Variants in CHD3 observed in about 807,000 individuals in gnomAD.
The protein encoded by CHD3 is chromodomain helicase DNA binding protein 3.
CHD3 carries 52 observed loss-of-function variants against 248.9 expected under a neutral mutation model. That is an observed-to-expected ratio of 0.21 (90% CI 0.17 to 0.26). The LOEUF (loss-of-function observed/expected upper bound fraction) is 0.26, where lower values mean the gene tolerates loss of function less well. Among genes scored for constraint, CHD3 ranks in the 10% least tolerant of loss-of-function variants. The pLI, the probability that CHD3 is intolerant of heterozygous loss-of-function variation, is 1.00. For synonymous variants in CHD3, 985 were observed against 985.2 expected (o/e 1.00, Z 0.00); for missense variants, 1,482 against 2,605.8 (o/e 0.57, Z 9.39).
Position 7,911,470 on chromosome 17 carries a change from CCAACGGCCCTCCA to C in CHD3, c.5889_5901del (p.Asn1964CysfsTer3), listed in dbSNP as rs746507064. ...TTACCCCTTTCCCAAACAGCCGCCA[CCAACGGCCCTCCA>C]GTGCTTGTGAAGAAGGAGAAGGAAA... On this transcript the variant is annotated frameshift_variant, in exon 40 of 40. Transcript: ENST00000330494. LOFTEE classifies it high-confidence loss of function. The surrounding 1 kb of genome is among the most constrained non-coding windows in gnomAD (Gnocchi z 5.4). The C allele has an allele frequency of 6.2e-7, 1 of 1,614,174 alleles. No homozygotes were observed. Among genetic ancestry groups the C allele is most frequent in the Non-Finnish European group, 8.5e-7 (1 of 1,180,026 alleles).
Position 7,901,393 on chromosome 17 carries a change from C to A in CHD3, c.3252+18C>A. On this transcript the variant is annotated intron_variant, in intron 20 of 39. Coordinates refer to ENST00000330494, the MANE Select transcript of CHD3 (RefSeq NM_001005273.3). ...TCTCGCAGGTGACCTGTGCCCTTAG[C>A]TGTCTTTACATCTGCTTCCTCTTCC... 1 of 1,575,940 alleles carries A rather than the reference C, an allele frequency of 6.3e-7. No homozygotes were observed. The highest frequency in any genetic ancestry group is 1.2e-5 in the South Asian group (1 of 86,320).
chr17:7,910,499 C>G lies in CHD3; in HGVS notation c.5662C>G (p.Arg1888Gly), dbSNP rs1203599231. 2.5e-6 allele frequency: 4 copies of G among 1,614,044 alleles called. No individual in the cohort carries two copies. The highest frequency in any genetic ancestry group is 2.5e-6 in the Non-Finnish European group (3 of 1,180,034). The change falls in exon 38 of 40, where the codon CGA becomes GGA. Residue 1888 changes from arginine (R) to glycine (G), a missense_variant. Physicochemically the swap from Arg to Gly is moderately radical, Grantham distance 125 (BLOSUM62 -2). Transcript: ENST00000330494. This position sits in a 1 kb window ranked among gnomAD's most constrained non-coding sequence, Gnocchi z 4.7. ...DVTRLPATLSRIPPIAARLQM... is the reference protein window; with the variant it reads ...DVTRLPATLSGIPPIAARLQM... The stretch of plus-strand genomic sequence containing the variant: ...GACCCGCCTGCCAGCCACGCTGTCC[C>G]GAATACCCCCCATCGCAGCCCGCCT...
At position 7,898,563 on chromosome 17, in the gene CHD3, G is replaced by A. The variant is rs1211123180; in HGVS notation, c.2119G>A (p.Gly707Ser). 6.2e-7 allele frequency: 1 copy of A among 1,613,950 alleles called. No individual in the cohort carries two copies. Among genetic ancestry groups the A allele is most frequent in the African/African-American group, 1.3e-5 (1 of 75,016 alleles). ...KYKKKKKELQGDGPPSSPTND... is the reference protein window; with the variant it reads ...KYKKKKKELQSDGPPSSPTND... The stretch of plus-strand genomic sequence containing the variant: ...TAAGAAGAAGAAGAAGGAGCTACAG[G>A]GTGATGGGCCTCCCAGTTCTCCCAC... The change falls in exon 13 of 40, where the codon GGT (glycine) becomes AGT (serine). Residue 707 changes from glycine (G) to serine (S), a missense_variant. Gly to Ser is a moderately conservative substitution (Grantham distance 56, BLOSUM62 0). Around this residue, in one of 20 missense-constraint regions of CHD3, gnomAD observed 127 missense variants for 188.3 expected, o/e 0.67. Coordinates refer to ENST00000330494, the MANE Select transcript of CHD3 (RefSeq NM_001005273.3).
rs1250977332 is a variant in CHD3 at position 7,890,733 on chromosome 17, G to A, written c.376G>A (p.Gly126Arg). Residue 126 changes from glycine to arginine, a missense_variant, in exon 3 of 40, where the codon GGG (glycine) becomes AGG (arginine). Coordinates refer to ENST00000330494, the MANE Select transcript of CHD3 (RefSeq NM_001005273.3). ...KRRKKGEGDG[G>R]QKQVEQKSSA... Reference sequence around the variant, plus strand: ...GCGGAAAAAGGGGGAGGGAGATGGGGGGCAAAAGGTGAGTAGAATTAGGGA... The same window carrying A: ...GCGGAAAAAGGGGGAGGGAGATGGGAGGCAAAAGGTGAGTAGAATTAGGGA... 3 of 1,488,910 alleles carry A rather than the reference G, an allele frequency of 2.0e-6. No homozygotes were observed. Among genetic ancestry groups the A allele is most frequent in the Non-Finnish European group, 2.7e-6 (3 of 1,101,842 alleles). The allele number at this position is 1,488,910 out of a possible 1,614,324, so 92.2% of individuals were successfully genotyped here. A position where few individuals can be genotyped will look rare whatever the true frequency, so the allele number is the denominator to read the frequency against.
Position 7,895,963 on chromosome 17 carries a change from C to T in CHD3, c.1707+421C>T, listed in dbSNP as rs565470849. ...ATTCTCGGCTGGGTGTGGTGGCTCA[C>T]GCCTGTAATCCCAGTACTTTGGGAG... On this transcript the variant is annotated intron_variant, in intron 10 of 39. Coordinates refer to ENST00000330494, the MANE Select transcript of CHD3 (RefSeq NM_001005273.3). The surrounding 1 kb of genome is among the most constrained non-coding windows in gnomAD (Gnocchi z 4.9). Among the ~76,000 whole-genome samples the T allele has an allele frequency of 7.2e-5, 11 of 152,084 alleles. No individual in the cohort carries two copies. In the East Asian group the frequency reaches 9.7e-4, roughly 13 times the overall value.
At position 7,900,903 on chromosome 17, in the gene CHD3, A is replaced by G; in HGVS notation, c.3030A>G (p.Arg1010=). 1 of 1,614,114 alleles carries G rather than the reference A, an allele frequency of 6.2e-7. No individual in the cohort carries two copies. The highest frequency in any genetic ancestry group is 8.5e-7 in the Non-Finnish European group (1 of 1,180,000). Residue 1010 remains arginine (R), a synonymous_variant, in exon 19 of 40, where the codon CGA becomes CGG. Coordinates refer to ENST00000330494, the MANE Select transcript of CHD3 (RefSeq NM_001005273.3). This position sits in a 1 kb window ranked among gnomAD's most constrained non-coding sequence, Gnocchi z 6.5. ...GAAATTTTGAGGCCTTGAATTCACG[A>G]GGTGGTGGGAACCAGGTGTCGCTGC... is the stretch of plus-strand genomic sequence containing the variant. The part of the protein sequence containing the change: ...LTRNFEALNS[R]GGGNQVSLLN...
In CHD3 at chr17:7,893,823, G is replaced by A. The variant is rs746970749; in HGVS notation, c.812G>A (p.Arg271Gln). ...KEGKGPGHKR[R>Q]SKSPRVPDGR... is the part of the protein sequence containing the mutation. ...CATTCAGGTCCAGGCCATAAGAGGC[G>A]GAGTAAGAGCCCCCGAGTGCCTGAT... is the stretch of plus-strand genomic sequence containing the variant. Residue 271 changes from arginine to glutamine, a missense_variant, in exon 6 of 40, where the codon CGG (arginine) becomes CAG (glutamine). Arg to Gln is a conservative substitution (Grantham distance 43, BLOSUM62 1). Coordinates refer to ENST00000330494, the MANE Select transcript of CHD3 (RefSeq NM_001005273.3). 30 of 1,613,952 alleles carry A rather than the reference G, an allele frequency of 1.9e-5. No individual in the cohort carries two copies. Among genetic ancestry groups the A allele is most frequent in the Non-Finnish European group, 2.3e-5 (27 of 1,180,026 alleles).
rs962409508 is a variant in CHD3 at position 7,889,582 on chromosome 17, G to A, written c.101-82G>A. On this transcript the variant is annotated intron_variant, in intron 1 of 39. Coordinates refer to ENST00000330494, the MANE Select transcript of CHD3 (RefSeq NM_001005273.3). The surrounding 1 kb of genome is among the most constrained non-coding windows in gnomAD (Gnocchi z 4.5). ...TGCTTCCTAGAGAGTGGGAACTGCC[G>A]AGGTGGGGAAGGGGCAAGTTGAGGG... 2.1e-5 allele frequency: 24 copies of A among 1,159,294 alleles called. No individual in the cohort carries two copies. Among genetic ancestry groups the A allele is most frequent in the South Asian group, 9.4e-5 (7 of 74,642 alleles). 71.8% of individuals were successfully genotyped at this position (1,159,294 alleles called of 1,614,324 possible).
chr17:7,897,364 G>C lies in CHD3; in HGVS notation c.1919+70G>C. ...ATTCTTACCATGGTGATGGCCCCAT[G>C]TTAGTATTTGCTGATTAACCAGGTA... On this transcript the variant is annotated intron_variant, in intron 11 of 39. Transcript: ENST00000330494. This position sits in a 1 kb window ranked among gnomAD's most constrained non-coding sequence, Gnocchi z 4.8. 6.1e-6 allele frequency: 8 copies of C among 1,317,946 alleles called. No individual in the cohort carries two copies. Among genetic ancestry groups the C allele is most frequent in the Non-Finnish European group, 8.6e-6 (8 of 926,646 alleles). The allele number at this position is 1,317,946 out of a possible 1,614,324, so 81.6% of individuals were successfully genotyped here. A position where few individuals can be genotyped will look rare whatever the true frequency, so the allele number is the denominator to read the frequency against.
intron 2 of CHD3, among the ~76,000 whole-genome samples, chr17:7,890,224 A>C (rs1968629911): frequency 6.6e-6 from 1 of 152,186 alleles, no homozygotes. Flanking sequence ...TGAGGTCAGG[A>C]GTTCGCGACA....
chr17:7,888,689 CCTCTGGA>C, upstream of CHD3: 1 of 531,358 alleles, frequency 1.9e-6, no homozygotes, highest in South Asian at 3.9e-5. Flanking sequence ...TACAGGCCAT[CCTCTGGA>C]TTTGTGGGCC....
In CHD3 at chr17:7,905,677, C is replaced by G; in HGVS notation, c.4195C>G (p.Leu1399Val). ...TGAGAAAGATAAGCCACTGCCTCCA[C>G]TGCTGGCCCGAGTCGGGGGCAACAT... The part of the protein sequence containing the change: ...RNEKDKPLPP[L>V]LARVGGNIEV... Residue 1399 changes from leucine (L) to valine (V), a missense_variant, in exon 27 of 40, where the codon CTG becomes GTG. Around this residue, in one of 20 missense-constraint regions of CHD3, gnomAD observed 156 missense variants for 420.3 expected, o/e 0.37. Transcript: ENST00000330494. This position sits in a 1 kb window ranked among gnomAD's most constrained non-coding sequence, Gnocchi z 5.8. 6.2e-7 allele frequency: 1 copy of G among 1,611,500 alleles called. No homozygotes were observed. The highest frequency in any genetic ancestry group is 8.5e-7 in the Non-Finnish European group (1 of 1,178,524).
rs72841432 is a variant in CHD3 at position 7,889,980 on chromosome 17, T to C, written c.213+204T>C. Among the ~76,000 whole-genome samples, 6,422 of 152,232 alleles carry C rather than the reference T, an allele frequency of 0.042. 227 individuals carry two copies. The highest frequency in any genetic ancestry group is 0.1 in the Admixed American group (1,575 of 15,292). ...CCTAACTTCATTCACTGCAACCTAG[T>C]GAAGAGCCTCGTTGTCAGTGTGTCC... On this transcript the variant is annotated intron_variant, in intron 2 of 39. Transcript: ENST00000330494. The surrounding 1 kb of genome is among the most constrained non-coding windows in gnomAD (Gnocchi z 4.5).
chr17:7,901,504 GTTTTTT>G (rs34660030), intron 20 of CHD3, 129 bp downstream of exon 20: 78 of 172,862 alleles, frequency 4.5e-4, no homozygotes, highest in Middle Eastern at 3.6e-3. Flanking sequence ...TCCTGTAAGA[GTTTTTT>G]TTTTTTTTTT....
Position 7,897,941 on chromosome 17 carries a change from T to C in CHD3, c.1920-30T>C. 1 of 1,602,184 alleles carries C rather than the reference T, an allele frequency of 6.2e-7. No homozygotes were observed. The highest frequency in any genetic ancestry group is 8.5e-7 in the Non-Finnish European group (1 of 1,175,032). On this transcript the variant is annotated intron_variant, in intron 11 of 39. Coordinates refer to ENST00000330494, the MANE Select transcript of CHD3 (RefSeq NM_001005273.3). This position sits in a 1 kb window ranked among gnomAD's most constrained non-coding sequence, Gnocchi z 4.8. ...TGTGATCTGTGCAATATTTTCCTCCTGCTCCTCCCCATGGCCTCCTGCCCC... is the reference window on the plus strand; with the variant it reads ...TGTGATCTGTGCAATATTTTCCTCCCGCTCCTCCCCATGGCCTCCTGCCCC...
intron 6 of CHD3, 89 bp from the exon 7 acceptor site, chr17:7,894,026 C>CTGTGAGGG: frequency 6.3e-7 from 1 of 1,589,684 alleles, no homozygotes; most frequent in South Asian, 1.1e-5. Context: ...AGACAGGGAT[C>CTGTGAGGG]CGTGAGGGAT....
Position 7,895,557 on chromosome 17 carries a change from T to C in CHD3, c.1707+15T>C. The C allele has an allele frequency of 6.2e-7, 1 of 1,607,710 alleles. No individual in the cohort carries two copies. The highest frequency in any genetic ancestry group is 8.5e-7 in the Non-Finnish European group (1 of 1,174,470). On this transcript the variant is annotated intron_variant, in intron 10 of 39. Coordinates refer to ENST00000330494, the MANE Select transcript of CHD3 (RefSeq NM_001005273.3). The surrounding 1 kb of genome is among the most constrained non-coding windows in gnomAD (Gnocchi z 4.9). Reference sequence around the variant, plus strand: ...AGGAGCTTCAGGTACTAGGACCTTTTCTTTCCCTCTCCCCCATGACCTCAT... The same window carrying C: ...AGGAGCTTCAGGTACTAGGACCTTTCCTTTCCCTCTCCCCCATGACCTCAT...
intron 4 of CHD3, 52 bp from the exon 5 acceptor site, chr17:7,893,234 T>C (rs1969136972): frequency 1.3e-6 from 2 of 1,517,566 alleles, no homozygotes; most frequent in East Asian, 4.6e-5. Flanking sequence ...GAGATGGCAG[T>C]GTTCCCAGAC....
At position 7,904,713 on chromosome 17, in the gene CHD3, C is replaced by G. The variant is rs1164135132; in HGVS notation, c.4072+94C>G. On this transcript the variant is annotated intron_variant, in intron 25 of 39. Transcript: ENST00000330494. The surrounding 1 kb of genome is among the most constrained non-coding windows in gnomAD (Gnocchi z 4.4). ...GCTATTTAGAGGGAAAGAGAGAAGC[C>G]TAGAAGTCAGAGCCTTCCTCTGCTA... 8.3e-7 allele frequency: 1 copy of G among 1,198,788 alleles called. No homozygotes were observed. The highest frequency in any genetic ancestry group is 1.5e-5 in the South Asian group (1 of 65,306). The allele number at this position is 1,198,788 out of a possible 1,614,324, so 74.3% of individuals were successfully genotyped here.
Sources: allele counts gnomAD v4.1 joint callset (sites outside exome capture counted in the v4.1 genomes callset), GRCh38; gene constraint gnomAD v4.1.1; regional missense constraint gnomAD v4.1.1; non-coding constraint Gnocchi (gnomAD v3.1); transcripts MANE v1.5; gene names NCBI Gene and HGNC (gene_info 2026-07-23, HGNC 2026-07-21).